SLC9A9: variants seen among roughly 807,000 people sequenced by gnomAD.
The protein encoded by SLC9A9 is solute carrier family 9 member A9.
Under a neutral mutation model 77.8 loss-of-function variants are expected in SLC9A9, and 62 were observed. The observed-to-expected ratio is 0.80, with a 90% CI of 0.65 to 0.98. The LOEUF (loss-of-function observed/expected upper bound fraction) is 0.98, where lower values mean the gene tolerates loss of function less well. SLC9A9 is among the 50% of genes least tolerant of loss of function. The pLI, the probability that SLC9A9 is intolerant of heterozygous loss-of-function variation, is 0.00. For synonymous variants in SLC9A9, 320 were observed against 283.5 expected (o/e 1.13, Z -1.29); for missense variants, 775 against 774.9 (o/e 1.00, Z 0.00).
At chr3:143,446,858 G>A (rs1393388939) in intron 12 of SLC9A9, among the ~76,000 whole-genome samples, 5 of 147,906 alleles carry the variant, frequency 3.4e-5, no homozygotes, top group Non-Finnish European at 7.4e-5. Context: ...ATATGGCTGA[G>A]ATATAAGGTA....
At position 143,493,022 on chromosome 3, in the gene SLC9A9, G is replaced by T. The variant is rs2035775567; in HGVS notation, c.1315+631C>A. ...AATTCATTTGGTTTATTTTCTTTTG[G>T]AAAGGAGCCTTGAGGTATGGTTTAA... On this transcript the variant is annotated intron_variant, in intron 11 of 15. Transcript: ENST00000316549. Among the ~76,000 whole-genome samples, 3 of 152,200 alleles carry T rather than the reference G, an allele frequency of 2.0e-5. No homozygotes were observed. In the South Asian group the frequency reaches 6.2e-4, roughly 32 times the overall value.
rs181270582 is a variant in SLC9A9 at position 143,665,651 on chromosome 3, T to C, written c.650-13291A>G. On this transcript the variant is annotated intron_variant, in intron 5 of 15. Coordinates refer to ENST00000316549, the MANE Select transcript of SLC9A9 (RefSeq NM_173653.4). ...ACAATAAAAAATGATAAAGGGGATA[T>C]CACCACCAATCCCACAGAAATACAA... 6.3e-3 allele frequency among the ~76,000 whole-genome samples: 960 copies of C among 152,140 alleles called. 31 individuals carry two copies. Among genetic ancestry groups the C allele is most frequent in the Non-Finnish European group, 2.8e-3 (190 of 67,990 alleles).
intron 4 of SLC9A9, among the ~76,000 whole-genome samples, chr3:143,750,388 A>G (rs1275058655): frequency 6.6e-6 from 1 of 152,198 alleles, no homozygotes; most frequent in African/African-American, 2.4e-5. Flanking sequence ...AATACCTGTA[A>G]TCAAGGCCTT....
chr3:143,459,751 G>A (rs2035157862), intron 12 of SLC9A9, among the ~76,000 whole-genome samples: 1 of 151,904 alleles, frequency 6.6e-6, no homozygotes, highest in South Asian at 2.1e-4. Flanking sequence ...CTCTTTTCCT[G>A]GTCCTCTGGC....
chr3:143,465,586 G>A (rs2035268352), intron 12 of SLC9A9, among the ~76,000 whole-genome samples: 2 of 152,188 alleles, frequency 1.3e-5, no homozygotes, highest in Non-Finnish European at 1.5e-5. Flanking sequence ...AGTGTATTCA[G>A]TACTTGCATT....
intron 3 of SLC9A9, among the ~76,000 whole-genome samples, chr3:143,795,585 C>T (rs74784378): frequency 6.6e-6 from 1 of 152,256 alleles, no homozygotes; most frequent in East Asian, 1.9e-4. Flanking sequence ...AAATCTACAA[C>T]AGCCTGGTGG....
Position 143,650,189 on chromosome 3 carries a change from A to G in SLC9A9, c.755+2066T>C, listed in dbSNP as rs557021349. Reference sequence around the variant, plus strand: ...TGTGTCAGGGTGCTATACATGGTTTAGTGTGAAGAGAAAGAAAAATGGAGA... The same window carrying G: ...TGTGTCAGGGTGCTATACATGGTTTGGTGTGAAGAGAAAGAAAAATGGAGA... On this transcript the variant is annotated intron_variant, in intron 6 of 15. Coordinates refer to ENST00000316549, the MANE Select transcript of SLC9A9 (RefSeq NM_173653.4). 2.0e-5 allele frequency among the ~76,000 whole-genome samples: 3 copies of G among 152,288 alleles called. No homozygotes were observed. The South Asian group carries it at 6.2e-4, about 32-fold the overall frequency.
chr3:143,549,299 T>C (rs1184529537), intron 9 of SLC9A9, among the ~76,000 whole-genome samples: 1 of 152,210 alleles, frequency 6.6e-6, no homozygotes, highest in Non-Finnish European at 1.5e-5. Context: ...GACCTTAGAC[T>C]CTGTTTACTA....
intron 4 of SLC9A9, among the ~76,000 whole-genome samples, chr3:143,740,370 G>A (rs987682082): frequency 1.3e-5 from 2 of 152,154 alleles, no homozygotes; most frequent in African/African-American, 4.8e-5. Flanking sequence ...TGGATCCTGT[G>A]CATAAATTAA....
At chr3:143,679,500 C>G (rs1329930458) in intron 5 of SLC9A9, among the ~76,000 whole-genome samples, 6 of 152,216 alleles carry the variant, frequency 3.9e-5, no homozygotes, top group Non-Finnish European at 1.5e-5. Flanking sequence ...TGGGGGCCGT[C>G]TAGTGCGTTT....
At chr3:143,272,269 T>C (rs1252062867) in intron 14 of SLC9A9, among the ~76,000 whole-genome samples, 1 of 152,196 alleles carries the variant, frequency 6.6e-6, no homozygotes, top group African/African-American at 2.4e-5. Context: ...AAGGCACCCA[T>C]ACAAGGAAAG....
chr3:143,265,695 G>A lies in SLC9A9; in HGVS notation c.*1007C>T. On this transcript the variant is annotated 3_prime_UTR_variant, in exon 16 of 16. Coordinates refer to ENST00000316549, the MANE Select transcript of SLC9A9 (RefSeq NM_173653.4). ...AGGCCATGAGCCACGCCTTGTAAGG[G>A]GGAGACCTGAGGCCCTGTCCTTGGC... The A allele has an allele frequency of 2.4e-6, 1 of 413,848 alleles. No homozygotes were observed. The highest frequency in any genetic ancestry group is 4.2e-6 in the Non-Finnish European group (1 of 236,264). The allele number at this position is 413,848 out of a possible 1,614,324, so 25.6% of individuals were successfully genotyped here. A position where few individuals can be genotyped will look rare whatever the true frequency, so the allele number is the denominator to read the frequency against.
intron 12 of SLC9A9, among the ~76,000 whole-genome samples, chr3:143,456,533 G>A (rs1213727836): frequency 3.3e-5 from 5 of 151,332 alleles, no homozygotes; most frequent in African/African-American, 1.2e-4. Context: ...TATTTTTTTG[G>A]AAGGTTTTAA....
intron 12 of SLC9A9, among the ~76,000 whole-genome samples, chr3:143,409,037 A>C (rs113186079): frequency 1.2e-4 from 18 of 152,326 alleles, no homozygotes; most frequent in African/African-American, 4.1e-4. Context: ...GATCAGAAAT[A>C]CCAGTTTTCT....
chr3:143,642,708 C>T (rs1340513362), intron 6 of SLC9A9, among the ~76,000 whole-genome samples: 1 of 152,128 alleles, frequency 6.6e-6, no homozygotes, highest in Non-Finnish European at 1.5e-5. Context: ...TTAAAAAGTG[C>T]TATCCTCCAT....
intron 4 of SLC9A9, among the ~76,000 whole-genome samples, chr3:143,725,093 T>C (rs2108805283): frequency 6.6e-6 from 1 of 152,320 alleles, no homozygotes; most frequent in Middle Eastern, 3.4e-3. Flanking sequence ...TTCTGTTGAA[T>C]TTCTTCAGTG....
chr3:143,641,802 T>TC (rs2038628584), intron 6 of SLC9A9, among the ~76,000 whole-genome samples: 1 of 152,178 alleles, frequency 6.6e-6, no homozygotes, highest in Non-Finnish European at 1.5e-5. Flanking sequence ...TCTCCACTTT[T>TC]CCCCCACTTT....
intron 2 of SLC9A9, among the ~76,000 whole-genome samples, chr3:143,805,547 G>T (rs572036447): frequency 6.6e-6 from 1 of 152,184 alleles, no homozygotes; most frequent in East Asian, 1.9e-4. Flanking sequence ...CAGATGGCCC[G>T]AAGCAAGTGA....
chr3:143,353,645 G>C (rs1278669753), intron 14 of SLC9A9, among the ~76,000 whole-genome samples: 1 of 152,136 alleles, frequency 6.6e-6, no homozygotes, highest in Non-Finnish European at 1.5e-5. Flanking sequence ...AGGACTTTGT[G>C]ATAGCTCTCA....
Sources: gnomAD v4.1 joint callset for allele counts (sites outside exome capture counted in the v4.1 genomes callset) on GRCh38, gnomAD v4.1.1 for gene constraint, MANE v1.5 for transcripts, NCBI Gene and HGNC (gene_info 2026-07-23, HGNC 2026-07-21) for gene names.